LRRC7: variants seen among roughly 807,000 people sequenced by gnomAD.
LRRC7 encodes the protein leucine rich repeat containing 7, also known as leucine-rich repeat-containing protein 7.
Under a neutral mutation model 175.7 loss-of-function variants are expected in LRRC7, and 23 were observed. That is an observed-to-expected ratio of 0.13 (90% CI 0.09 to 0.19). The LOEUF is 0.19. LRRC7 is among the 10% of genes least tolerant of loss of function. LRRC7 has a pLI of 1.00. For missense variants in LRRC7, 1,354 were observed against 1,904.7 expected, an observed-to-expected ratio of 0.71 and a Z score of 5.38; for synonymous variants, 685 against 680.9, an observed-to-expected ratio of 1.01 and a Z score of -0.09.
chr1:69,760,247 C>A lies in LRRC7; in HGVS notation c.157C>A (p.Arg53=). 1 of 1,612,672 alleles carries A rather than the reference C, an allele frequency of 6.2e-7. No individual in the cohort carries two copies. The highest frequency in any genetic ancestry group is 2.2e-5 in the East Asian group (1 of 44,770). The change falls in exon 3 of 27, where the codon CGA becomes AGA. Residue 53 remains arginine, a synonymous_variant. Coordinates refer to ENST00000651989, the MANE Select transcript of LRRC7 (RefSeq NM_001370785.2). ...RKIIGRLVPC[R]CFRGEEEIIS... is the part of the protein sequence containing the mutation. Reference sequence around the variant, plus strand: ...AATCATCGGCCGTCTGGTGCCATGCCGATGTTTCCGAGGTGAAGAAGAAAT... The same window carrying A: ...AATCATCGGCCGTCTGGTGCCATGCAGATGTTTCCGAGGTGAAGAAGAAAT...
chr1:69,609,667 T>A (rs991854018), intron 1 of LRRC7, among the ~76,000 whole-genome samples: 12 of 152,066 alleles, frequency 7.9e-5, no homozygotes, highest in Non-Finnish European at 1.5e-4. Context: ...TCTGCTTAAG[T>A]TTAAAGCCCT....
intron 1 of LRRC7, among the ~76,000 whole-genome samples, chr1:69,615,351 G>C (rs1337778675): frequency 1.3e-5 from 2 of 151,964 alleles, no homozygotes; most frequent in Non-Finnish European, 2.9e-5. Context: ...AGACTACTGG[G>C]AGTTTCTTAG....
chr1:69,915,671 T>C (rs1646664677), intron 7 of LRRC7, among the ~76,000 whole-genome samples: 2 of 152,058 alleles, frequency 1.3e-5, no homozygotes, highest in African/African-American at 4.8e-5. Flanking sequence ...CCATCTGAAA[T>C]TTTTTAAAAA....
Position 69,876,171 on chromosome 1 carries a change from A to G in LRRC7, c.647+37888A>G, listed in dbSNP as rs1211899059. Among the ~76,000 whole-genome samples, 3 of 152,152 alleles carry G rather than the reference A, an allele frequency of 2.0e-5. No individual in the cohort carries two copies. The East Asian group carries it at 5.8e-4, about 29-fold the overall frequency. On this transcript the variant is annotated intron_variant, in intron 7 of 26. Coordinates refer to ENST00000651989, the MANE Select transcript of LRRC7 (RefSeq NM_001370785.2). ...TTTCTGGAACTTTGTTAAGAATTTC[A>G]TAACTGTATTCTACCAGCCATATTT...
At chr1:69,606,102 C>T (rs1569875135) in intron 1 of LRRC7, among the ~76,000 whole-genome samples, 1 of 152,110 alleles carries the variant, frequency 6.6e-6, no homozygotes, top group Non-Finnish European at 1.5e-5. Flanking sequence ...AACTAATTCC[C>T]TTTCATGCAA....
intron 11 of LRRC7, 134 bp from the exon 12 acceptor site, chr1:70,011,663 C>A: frequency 1.8e-6 from 1 of 566,076 alleles, no homozygotes; most frequent in South Asian, 2.4e-5. Context: ...ATCATTTGAA[C>A]TGGTAAATTA....
chr1:69,584,134 A>G (rs1646310765), intron 1 of LRRC7, among the ~76,000 whole-genome samples: 1 of 152,158 alleles, frequency 6.6e-6, no homozygotes, highest in Non-Finnish European at 1.5e-5. Flanking sequence ...GACATCGGCT[A>G]TAGTTTTGTG....
Position 69,871,456 on chromosome 1 carries a change from AC to A in LRRC7, c.647+33175del, listed in dbSNP as rs201228226. ...ACGTTTCAGAATCATTCAAAAATGC[AC>A]CGAATGCATAATTATATTCAGTTTG... is the stretch of plus-strand genomic sequence containing the variant. On this transcript the variant is annotated intron_variant, in intron 7 of 26. Coordinates refer to ENST00000651989, the MANE Select transcript of LRRC7 (RefSeq NM_001370785.2). Among the ~76,000 whole-genome samples, 1,283 of 152,186 alleles carry A rather than the reference AC, an allele frequency of 8.4e-3. 44 individuals carry two copies. Among genetic ancestry groups the A allele is most frequent in the Admixed American group, 0.065 (997 of 15,266 alleles).
At chr1:69,914,031 A>C (rs923813055) in intron 7 of LRRC7, among the ~76,000 whole-genome samples, 2 of 152,208 alleles carry the variant, frequency 1.3e-5, no homozygotes, top group Non-Finnish European at 2.9e-5. Flanking sequence ...AGCAAAGTGA[A>C]AAAATTCTTT....
intron 1 of LRRC7, among the ~76,000 whole-genome samples, chr1:69,629,649 G>A (rs545829401): frequency 6.6e-6 from 1 of 151,916 alleles, no homozygotes; most frequent in Non-Finnish European, 1.5e-5. Flanking sequence ...TGACTCTTTA[G>A]TATGTCACTT....
intron 8 of LRRC7, among the ~76,000 whole-genome samples, chr1:69,970,518 A>G (rs1485029736): frequency 1.3e-5 from 2 of 152,210 alleles, no homozygotes; most frequent in Non-Finnish European, 2.9e-5. Flanking sequence ...TACACAAACT[A>G]GAACACCTAA....
intron 1 of LRRC7, among the ~76,000 whole-genome samples, chr1:69,670,092 GTTCAT>G (rs1214722562): frequency 6.6e-6 from 1 of 151,944 alleles, no homozygotes; most frequent in Non-Finnish European, 1.5e-5. Flanking sequence ...GCCTTTTTTA[GTTCAT>G]TTCATGAGGT....
intron 8 of LRRC7, among the ~76,000 whole-genome samples, chr1:69,975,473 C>T (rs552602076): frequency 3.9e-5 from 6 of 152,202 alleles, no homozygotes; most frequent in Middle Eastern, 3.4e-3. Context: ...CACTCCTCTC[C>T]GACCTATGGA....
At position 69,629,563 on chromosome 1, in the gene LRRC7, A is replaced by C. The variant is rs9803870; in HGVS notation, c.3-48818A>C. Among the ~76,000 whole-genome samples, 6 of 151,924 alleles carry C rather than the reference A, an allele frequency of 3.9e-5. No individual in the cohort carries two copies. In the East Asian group the frequency reaches 1.2e-3, roughly 30 times the overall value. On this transcript the variant is annotated intron_variant, in intron 1 of 26. Coordinates refer to ENST00000651989, the MANE Select transcript of LRRC7 (RefSeq NM_001370785.2). Reference sequence around the variant, plus strand: ...TCTATAACCTATTATTCAAACACACAGAGATTCTAGTCCCAGGATGACTAC... The same window carrying C: ...TCTATAACCTATTATTCAAACACACCGAGATTCTAGTCCCAGGATGACTAC...
rs144113138 is a variant in LRRC7 at position 69,904,695 on chromosome 1, A to G, written c.648-26812A>G. Among the ~76,000 whole-genome samples, 21 of 152,178 alleles carry G rather than the reference A, an allele frequency of 1.4e-4. No homozygotes were observed. In the East Asian group the frequency reaches 3.9e-3, roughly 28 times the overall value. ...ATTTTTAAAAATTTATTTTAGGTTCAGGGGTACATGTGCAGGTTTGTTATA... is the reference window on the plus strand; with the variant it reads ...ATTTTTAAAAATTTATTTTAGGTTCGGGGGTACATGTGCAGGTTTGTTATA... On this transcript the variant is annotated intron_variant, in intron 7 of 26. Coordinates refer to ENST00000651989, the MANE Select transcript of LRRC7 (RefSeq NM_001370785.2).
At chr1:69,842,242 T>C (rs889869056) in intron 7 of LRRC7, among the ~76,000 whole-genome samples, 1 of 152,050 alleles carries the variant, frequency 6.6e-6, no homozygotes, top group South Asian at 2.1e-4. Flanking sequence ...TAACATCATA[T>C]AAATGGTTGG....
At chr1:69,660,047 TA>T (rs1452518187) in intron 1 of LRRC7, among the ~76,000 whole-genome samples, 2 of 151,984 alleles carry the variant, frequency 1.3e-5, no homozygotes, top group Non-Finnish European at 1.5e-5. Flanking sequence ...TTCACAACCA[TA>T]TTTTTTTTCA....
At chr1:70,091,738 A>G (rs550816880) in intron 25 of LRRC7, among the ~76,000 whole-genome samples, 2 of 152,294 alleles carry the variant, frequency 1.3e-5, no homozygotes, top group East Asian at 3.9e-4. Context: ...AGACTGAACT[A>G]TGTCTATGAT....
rs1046851518 is a variant in LRRC7 at position 70,129,118 on chromosome 1, G to A, written c.*7231G>A. On this transcript the variant is annotated 3_prime_UTR_variant, in exon 27 of 27. Transcript: ENST00000651989. ...AAAAATTAGCCGGGCATTGTGGCGC[G>A]CACCTGTAATCCTAGTTACTGGGGA... is the stretch of plus-strand genomic sequence containing the variant. Among the ~76,000 whole-genome samples, 7 of 151,912 alleles carry A rather than the reference G, an allele frequency of 4.6e-5. No homozygotes were observed. The highest frequency in any genetic ancestry group is 1.3e-4 in the Admixed American group (2 of 15,256).
Sources: allele counts gnomAD v4.1 joint callset (sites outside exome capture counted in the v4.1 genomes callset), GRCh38; gene constraint gnomAD v4.1.1; transcripts MANE v1.5; gene names NCBI Gene and HGNC (gene_info 2026-07-23, HGNC 2026-07-21).